EPHA6: variants seen among roughly 807,000 people sequenced by gnomAD.
The protein encoded by EPHA6 is ephrin type-A receptor 6.
In EPHA6, 50 loss-of-function variants were observed where a neutral mutation model predicts 112.0. The observed-to-expected ratio is 0.45, with a 90% CI of 0.36 to 0.56. EPHA6 has a LOEUF of 0.56. Ranked by LOEUF, EPHA6 falls within the 20% of genes least tolerant of loss-of-function variation. The pLI is 0.00. For missense variants in EPHA6, 1,280 were observed against 1,417.4 expected (o/e 0.90, Z 1.56); for synonymous variants, 529 against 490.7 (o/e 1.08, Z -1.03).
In EPHA6 at chr3:97,392,503, G is replaced by A. The variant is rs148737647; in HGVS notation, c.1607-12647G>A. Among the ~76,000 whole-genome samples the A allele has an allele frequency of 2.3e-3, 346 of 151,514 alleles. 1 individual carries two copies. Among genetic ancestry groups the A allele is most frequent in the African/African-American group, 8.1e-3 (336 of 41,408 alleles). On this transcript the variant is annotated intron_variant, in intron 5 of 17. Transcript: ENST00000389672. Reference sequence around the variant, plus strand: ...GGTATTGCTATTTACAAAAAAAATGGAATCATGTCATACATATTTTTTTGT... The same window carrying A: ...GGTATTGCTATTTACAAAAAAAATGAAATCATGTCATACATATTTTTTTGT...
intron 2 of EPHA6, among the ~76,000 whole-genome samples, chr3:96,947,285 GT>G (rs2041316174): frequency 6.6e-6 from 1 of 152,082 alleles, no homozygotes; most frequent in African/African-American, 2.4e-5. Flanking sequence ...TATTGCCTAG[GT>G]TTTCTTCTAG....
chr3:97,282,583 AC>A (rs2080323173), intron 5 of EPHA6, among the ~76,000 whole-genome samples: 1 of 152,196 alleles, frequency 6.6e-6, no homozygotes, highest in Non-Finnish European at 1.5e-5. Context: ...CATGGAATCA[AC>A]CCAAACACCC....
chr3:97,571,537 G>A (rs1198392872), intron 11 of EPHA6, among the ~76,000 whole-genome samples: 1 of 150,982 alleles, frequency 6.6e-6, no homozygotes, highest in African/African-American at 2.4e-5. Flanking sequence ...CCTGGTTGCT[G>A]CATTATCATC....
At chr3:97,163,258 C>T (rs1038480756) in intron 3 of EPHA6, among the ~76,000 whole-genome samples, 1 of 152,100 alleles carries the variant, frequency 6.6e-6, no homozygotes, top group Non-Finnish European at 1.5e-5. Context: ...TAAACCAAGG[C>T]AGGTCTGGCA....
chr3:97,214,388 A>G (rs1338234928), intron 3 of EPHA6, among the ~76,000 whole-genome samples: 1 of 151,172 alleles, frequency 6.6e-6, no homozygotes, highest in African/African-American at 2.4e-5. Flanking sequence ...TGGATTGAAT[A>G]TTTTGAAGCA....
At chr3:97,193,989 C>T (rs2077375394) in intron 3 of EPHA6, among the ~76,000 whole-genome samples, 1 of 151,918 alleles carries the variant, frequency 6.6e-6, no homozygotes, top group African/African-American at 2.4e-5. Context: ...GGATAAATCC[C>T]ACTTGATGAT....
At chr3:97,164,397 T>C (rs2076488643) in intron 3 of EPHA6, among the ~76,000 whole-genome samples, 1 of 152,188 alleles carries the variant, frequency 6.6e-6, no homozygotes, top group African/African-American at 2.4e-5. Context: ...AATAATAGTA[T>C]CTCTTACATA....
intron 3 of EPHA6, among the ~76,000 whole-genome samples, chr3:97,176,749 T>C (rs2076846856): frequency 6.6e-6 from 1 of 151,968 alleles, no homozygotes; most frequent in South Asian, 2.1e-4. Flanking sequence ...GTCTCCTCTT[T>C]CATTTCTGAT....
At chr3:97,656,899 A>T (rs921709219) in intron 14 of EPHA6, among the ~76,000 whole-genome samples, 1 of 151,944 alleles carries the variant, frequency 6.6e-6, no homozygotes, top group African/African-American at 2.4e-5. Context: ...TAAACTTGCA[A>T]TAAGAACAGG....
At chr3:97,366,232 T>C (rs1190903266) in intron 5 of EPHA6, among the ~76,000 whole-genome samples, 22 of 152,236 alleles carry the variant, frequency 1.4e-4, no homozygotes, top group Admixed American at 1.4e-3. Context: ...TCTGATTTTT[T>C]CGTATTCTGT....
intron 11 of EPHA6, among the ~76,000 whole-genome samples, chr3:97,585,619 A>C (rs1457490410): frequency 2.6e-5 from 4 of 152,214 alleles, no homozygotes; most frequent in African/African-American, 7.2e-5. Context: ...TTTTTAAGTT[A>C]AAAATAAAAC....
At chr3:96,919,403 C>G (rs1024764607) in intron 2 of EPHA6, among the ~76,000 whole-genome samples, 1 of 151,660 alleles carries the variant, frequency 6.6e-6, no homozygotes, top group Admixed American at 6.6e-5. Context: ...TTTTAGAATT[C>G]AATTAAAGTT....
chr3:97,666,056 C>CAA (rs774844509), intron 14 of EPHA6, among the ~76,000 whole-genome samples: 3 of 100,870 alleles, frequency 3.0e-5, no homozygotes, highest in Non-Finnish European at 6.3e-5. Flanking sequence ...GACTCCATCT[C>CAA]AAAAAAAAAA....
chr3:96,943,001 T>C (rs556975002), intron 2 of EPHA6, among the ~76,000 whole-genome samples: 5 of 152,274 alleles, frequency 3.3e-5, no homozygotes, highest in African/African-American at 4.8e-5. Flanking sequence ...CAGTCTCTCA[T>C]TATCCACCAC....
intron 10 of EPHA6, among the ~76,000 whole-genome samples, chr3:97,484,959 T>C (rs9881433): frequency 0.068 from 10,399 of 152,282 alleles, 1,105 homozygotes; most frequent in African/African-American, 0.23. Flanking sequence ...AACATGGACA[T>C]ACTTAATTGC....
chr3:97,522,565 A>G lies in EPHA6; in HGVS notation c.2201-9793A>G, dbSNP rs60020283. ...TATCAGGGTAATGCTGGCCTTGTAA[A>G]ATGAGTTTAGAAGTATTCTCTCTTC... On this transcript the variant is annotated intron_variant, in intron 10 of 17. Coordinates refer to ENST00000389672, the MANE Select transcript of EPHA6 (RefSeq NM_001080448.3). Among the ~76,000 whole-genome samples, 333 of 152,148 alleles carry G rather than the reference A, an allele frequency of 2.2e-3. 7 individuals are homozygous for G. The East Asian group carries it at 0.059, about 27-fold the overall frequency.
chr3:97,269,519 T>G (rs2079810578), intron 5 of EPHA6, among the ~76,000 whole-genome samples: 2 of 152,204 alleles, frequency 1.3e-5, no homozygotes, highest in Non-Finnish European at 2.9e-5. Flanking sequence ...TCCCCAGTGT[T>G]TCTGATGCTG....
chr3:97,430,984 T>C (rs2089467421), intron 6 of EPHA6, among the ~76,000 whole-genome samples: 1 of 152,108 alleles, frequency 6.6e-6, no homozygotes, highest in Non-Finnish European at 1.5e-5. Context: ...TCTATATTTT[T>C]AGGGAAAAAA....
intron 12 of EPHA6, among the ~76,000 whole-genome samples, chr3:97,603,897 G>T (rs12489864): frequency 2.6e-5 from 4 of 151,682 alleles, no homozygotes; most frequent in Non-Finnish European, 5.9e-5. Context: ...ACTGACACTA[G>T]TCATTTTACT....
Sources: gnomAD v4.1 joint callset for allele counts (sites outside exome capture counted in the v4.1 genomes callset) on GRCh38, gnomAD v4.1.1 for gene constraint, MANE v1.5 for transcripts, NCBI Gene and HGNC (gene_info 2026-07-23, HGNC 2026-07-21) for gene names.